CDH13: variants seen among roughly 807,000 people sequenced by gnomAD.
CDH13 encodes the protein cadherin-13.
A neutral mutation model predicts 63.8 loss-of-function variants in CDH13; 24 were observed. The ratio of observed to expected loss-of-function variants is 0.38; its 90% CI spans 0.27 to 0.53. The LOEUF is 0.53. Ranked by LOEUF, CDH13 falls within the 20% of genes least tolerant of loss-of-function variation. The probability of loss-of-function intolerance (pLI) is 0.85; values close to 1 mark genes in which losing one functional copy is unlikely to be tolerated. For synonymous variants in CDH13, 503 were observed against 355.3 expected (o/e 1.42, Z -4.67); for missense variants, 1,049 against 903.1 (o/e 1.16, Z -2.07).
At chr16:83,695,271 A>T (rs567671981) in intron 10 of CDH13, among the ~76,000 whole-genome samples, 1 of 152,322 alleles carries the variant, frequency 6.6e-6, no homozygotes, top group South Asian at 2.1e-4. Context: ...AAGCAGGATC[A>T]TTGTTACTGA....
At chr16:82,988,697 G>A (rs1911268474) in intron 2 of CDH13, among the ~76,000 whole-genome samples, 1 of 151,680 alleles carries the variant, frequency 6.6e-6, no homozygotes, top group Non-Finnish European at 1.5e-5. Context: ...GGCTGGCGGA[G>A]GTTGCAGTGA....
intron 4 of CDH13, among the ~76,000 whole-genome samples, chr16:83,140,786 C>G (rs144786445): frequency 4.7e-4 from 71 of 152,300 alleles, no homozygotes; most frequent in African/African-American, 1.6e-3. Context: ...TAGAGCATGA[C>G]ATAAAATGAC....
chr16:83,775,106 A>G (rs1386074791), intron 11 of CDH13, among the ~76,000 whole-genome samples: 1 of 151,734 alleles, frequency 6.6e-6, no homozygotes, highest in Non-Finnish European at 1.5e-5. Flanking sequence ...TGGTGGAGAA[A>G]GTATAGGTTA....
chr16:83,691,479 C>T (rs1230049221), intron 10 of CDH13, among the ~76,000 whole-genome samples: 3 of 152,108 alleles, frequency 2.0e-5, no homozygotes, highest in Admixed American at 6.6e-5. Flanking sequence ...GGTGCTGTTT[C>T]ACATGAGGCA....
At chr16:83,594,652 C>T (rs1216631910) in intron 7 of CDH13, among the ~76,000 whole-genome samples, 1 of 152,136 alleles carries the variant, frequency 6.6e-6, no homozygotes, top group Non-Finnish European at 1.5e-5. Context: ...AGTTCAAGAC[C>T]AGGCGAGAGA....
chr16:83,382,940 G>C (rs944660980), intron 6 of CDH13: 2 of 152,202 alleles, frequency 1.3e-5, no homozygotes, highest in African/African-American at 4.8e-5. Context: ...GATGATGCCA[G>C]ACACCGTGCA....
At chr16:82,950,820 T>G (rs1905215532) in intron 2 of CDH13, among the ~76,000 whole-genome samples, 2 of 151,672 alleles carry the variant, frequency 1.3e-5, no homozygotes, top group Non-Finnish European at 2.9e-5. Flanking sequence ...TTTTTTTTTT[T>G]TTTTTGGTGG....
intron 11 of CDH13, among the ~76,000 whole-genome samples, chr16:83,773,220 A>G (rs1479171325): frequency 1.3e-5 from 2 of 152,242 alleles, no homozygotes; most frequent in East Asian, 1.9e-4. Context: ...TACATCTCAC[A>G]GGGACAGAGA....
At chr16:82,898,817 G>A (rs1253663286) in intron 2 of CDH13, among the ~76,000 whole-genome samples, 1 of 152,172 alleles carries the variant, frequency 6.6e-6, no homozygotes, top group African/African-American at 2.4e-5. Flanking sequence ...TCTAAGTGAA[G>A]TTGTCTCAAG....
chr16:82,860,117 C>T lies in CDH13; in HGVS notation c.157+1644C>T, dbSNP rs570222713. On this transcript the variant is annotated intron_variant, in intron 2 of 13. Coordinates refer to ENST00000567109, the MANE Select transcript of CDH13 (RefSeq NM_001257.5). ...TCTGGCTCTCCTCTCCTCTCTTCCTCTGTCTTCCTTTTATTTTTTTTCCAA... is the reference window on the plus strand; with the variant it reads ...TCTGGCTCTCCTCTCCTCTCTTCCTTTGTCTTCCTTTTATTTTTTTTCCAA... 2.0e-5 allele frequency among the ~76,000 whole-genome samples: 3 copies of T among 152,274 alleles called. No homozygotes were observed. The South Asian group carries it at 6.2e-4, about 32-fold the overall frequency.
At chr16:83,303,391 G>A (rs1381713988) in intron 5 of CDH13, among the ~76,000 whole-genome samples, 2 of 152,314 alleles carry the variant, frequency 1.3e-5, no homozygotes, top group African/African-American at 4.8e-5. Flanking sequence ...CAATGTGTCT[G>A]TCAATTTGAA....
intron 7 of CDH13, among the ~76,000 whole-genome samples, chr16:83,572,584 GC>G (rs1454879893): frequency 5.9e-5 from 9 of 152,092 alleles, no homozygotes; most frequent in Admixed American, 2.0e-4. Context: ...GCAACATATG[GC>G]CCCAAAATAA....
intron 1 of CDH13, among the ~76,000 whole-genome samples, chr16:82,675,908 G>A (rs1913844161): frequency 6.6e-6 from 1 of 152,162 alleles, no homozygotes; most frequent in Admixed American, 6.5e-5. Context: ...ATATCCTTGG[G>A]AGACCAGAGC....
At chr16:82,899,604 T>C (rs912026503) in intron 2 of CDH13, among the ~76,000 whole-genome samples, 2 of 152,068 alleles carry the variant, frequency 1.3e-5, no homozygotes, top group African/African-American at 4.8e-5. Flanking sequence ...GGTGCCTGTG[T>C]GTGTGTGTGT....
chr16:83,339,024 A>T (rs1398314428), intron 5 of CDH13, among the ~76,000 whole-genome samples: 1 of 152,220 alleles, frequency 6.6e-6, no homozygotes, highest in Non-Finnish European at 1.5e-5. Flanking sequence ...GGTGGCAGGC[A>T]GTCATGGCTG....
intron 2 of CDH13, among the ~76,000 whole-genome samples, chr16:83,019,326 T>G (rs1350494388): frequency 1.3e-5 from 2 of 152,110 alleles, no homozygotes; most frequent in African/African-American, 4.8e-5. Flanking sequence ...TGCCTAGGCC[T>G]ACACAAGGTC....
chr16:82,746,386 A>T (rs1360104090), intron 1 of CDH13, among the ~76,000 whole-genome samples: 1 of 152,056 alleles, frequency 6.6e-6, no homozygotes, highest in African/African-American at 2.4e-5. Flanking sequence ...CAAACCTGAG[A>T]TGCTTTTATC....
chr16:82,795,346 C>A (rs902975100), intron 1 of CDH13, among the ~76,000 whole-genome samples: 2 of 152,204 alleles, frequency 1.3e-5, no homozygotes, highest in Non-Finnish European at 2.9e-5. Flanking sequence ...CATTCTGCAT[C>A]TTAGCAACCT....
intron 2 of CDH13, among the ~76,000 whole-genome samples, chr16:82,926,915 G>A (rs1434644366): frequency 1.3e-5 from 2 of 152,130 alleles, no homozygotes; most frequent in African/African-American, 2.4e-5. Context: ...CCATCTTAAA[G>A]CAATAACAAT....
Sources: allele counts gnomAD v4.1 joint callset (sites outside exome capture counted in the v4.1 genomes callset), GRCh38; gene constraint gnomAD v4.1.1; transcripts MANE v1.5; gene names NCBI Gene and HGNC (gene_info 2026-07-23, HGNC 2026-07-21).